Variants in GPC5 observed in about 807,000 individuals in gnomAD.
The protein encoded by GPC5 is glypican-5.
GPC5 carries 47 observed loss-of-function variants against 53.9 expected under a neutral mutation model. That is an observed-to-expected ratio of 0.87 (90% CI 0.69 to 1.11). The LOEUF (loss-of-function observed/expected upper bound fraction) is 1.11, where lower values mean the gene tolerates loss of function less well. GPC5 is among the 50% of genes most tolerant of loss of function. The pLI, the probability that GPC5 is intolerant of heterozygous loss-of-function variation, is 0.00. For missense variants in GPC5, 748 were observed against 713.1 expected (o/e 1.05, Z -0.56); for synonymous variants, 286 against 263.3 (o/e 1.09, Z -0.84).
chr13:92,326,981 C>T (rs999696811), intron 7 of GPC5, among the ~76,000 whole-genome samples: 6 of 151,958 alleles, frequency 3.9e-5, no homozygotes, highest in African/African-American at 1.2e-4. Context: ...ACTGCCTTCA[C>T]GTTTTCATCC....
intron 7 of GPC5, among the ~76,000 whole-genome samples, chr13:92,810,405 C>T (rs1287321790): frequency 6.6e-6 from 1 of 151,866 alleles, no homozygotes; most frequent in Admixed American, 6.6e-5. Context: ...AAAAAGAAGA[C>T]TACCCAGAAA....
At chr13:92,393,077 C>T (rs1298563957) in intron 7 of GPC5, among the ~76,000 whole-genome samples, 1 of 152,068 alleles carries the variant, frequency 6.6e-6, no homozygotes, top group African/African-American at 2.4e-5. Context: ...ATAAATCATT[C>T]CATCATAAAG....
chr13:92,368,644 A>AC, intron 7 of GPC5, among the ~76,000 whole-genome samples: 1 of 151,148 alleles, frequency 6.6e-6, no homozygotes, highest in Admixed American at 6.6e-5. Flanking sequence ...TAAAAAAAAA[A>AC]AAAAAAAAAA....
In GPC5 at chr13:92,656,935, A is replaced by G. The variant is rs77203823; in HGVS notation, c.1562-209347A>G. 3.5e-4 allele frequency among the ~76,000 whole-genome samples: 53 copies of G among 152,302 alleles called. No homozygotes were observed. The East Asian group carries it at 0.01, about 29-fold the overall frequency. ...GCGATGAGCTATGCTCTCACACCGC[A>G]CTCCAGCCTGGGTGACAGAGACCCT... On this transcript the variant is annotated intron_variant, in intron 7 of 7. Transcript: ENST00000377067.
chr13:91,895,436 T>A (rs1350115622), intron 5 of GPC5, among the ~76,000 whole-genome samples: 4 of 152,092 alleles, frequency 2.6e-5, no homozygotes, highest in Admixed American at 2.6e-4. Flanking sequence ...GACTACAAGG[T>A]GCTGAGGTTG....
intron 2 of GPC5, among the ~76,000 whole-genome samples, chr13:91,465,777 A>G (rs1340205477): frequency 1.3e-5 from 2 of 152,162 alleles, no homozygotes; most frequent in East Asian, 3.9e-4. Flanking sequence ...AAAACTTATT[A>G]AATAAGTTAT....
intron 2 of GPC5, among the ~76,000 whole-genome samples, chr13:91,483,167 G>T (rs1427940650): frequency 6.6e-6 from 1 of 152,030 alleles, no homozygotes; most frequent in African/African-American, 2.4e-5. Flanking sequence ...GTTCTTTATG[G>T]TAAGACTTTA....
chr13:92,718,060 A>G (rs1723154913), intron 7 of GPC5, among the ~76,000 whole-genome samples: 1 of 152,154 alleles, frequency 6.6e-6, no homozygotes, highest in South Asian at 2.1e-4. Context: ...AAAAATGCTG[A>G]TAAGGATGTG....
intron 2 of GPC5, among the ~76,000 whole-genome samples, chr13:91,516,684 G>C (rs1340947785): frequency 1.3e-5 from 2 of 152,208 alleles, no homozygotes; most frequent in African/African-American, 4.8e-5. Flanking sequence ...GGGACTCTGT[G>C]TGGGGGCTCT....
intron 2 of GPC5, among the ~76,000 whole-genome samples, chr13:91,561,888 G>A (rs1202243590): frequency 6.6e-6 from 1 of 152,128 alleles, no homozygotes; most frequent in African/African-American, 2.4e-5. Flanking sequence ...CCTGGTTAAT[G>A]ACTGTTTAGC....
At chr13:91,648,842 G>A (rs1431338288) in intron 2 of GPC5, among the ~76,000 whole-genome samples, 1 of 152,124 alleles carries the variant, frequency 6.6e-6, no homozygotes, top group African/African-American at 2.4e-5. Context: ...TTCCCACTAT[G>A]AGAATCAGTA....
At chr13:92,484,052 C>A (rs768458734) in intron 7 of GPC5, among the ~76,000 whole-genome samples, 1 of 152,152 alleles carries the variant, frequency 6.6e-6, no homozygotes, top group Non-Finnish European at 1.5e-5. Flanking sequence ...GTGGGAGGAC[C>A]GCTTGAGCCC....
chr13:92,239,112 T>A (rs944460264), intron 7 of GPC5, among the ~76,000 whole-genome samples: 1 of 151,864 alleles, frequency 6.6e-6, no homozygotes, highest in Non-Finnish European at 1.5e-5. Flanking sequence ...TTACTGTAGC[T>A]TTGTAGTAAG....
At chr13:92,607,790 C>A (rs1374505720) in intron 7 of GPC5, among the ~76,000 whole-genome samples, 4 of 152,050 alleles carry the variant, frequency 2.6e-5, no homozygotes, top group Admixed American at 6.6e-5. Flanking sequence ...ACTTAAAATG[C>A]ACCCTTTTAC....
chr13:91,486,670 G>A (rs1883625203), intron 2 of GPC5: 1 of 152,078 alleles, frequency 6.6e-6, no homozygotes, highest in Non-Finnish European at 1.5e-5. Context: ...CTATCTTTGA[G>A]GAACCAGAAA....
intron 7 of GPC5, among the ~76,000 whole-genome samples, chr13:92,349,718 A>T (rs2043459865): frequency 6.6e-6 from 1 of 152,236 alleles, no homozygotes; most frequent in East Asian, 1.9e-4. Flanking sequence ...GAAATGACCA[A>T]TAAGAAGTAA....
intron 7 of GPC5, among the ~76,000 whole-genome samples, chr13:92,265,890 C>A (rs1289896996): frequency 1.3e-5 from 2 of 152,180 alleles, no homozygotes; most frequent in Non-Finnish European, 2.9e-5. Flanking sequence ...ATCAAGGGGC[C>A]AGCACCTGGC....
At chr13:91,747,062 G>T (rs1479418757) in intron 4 of GPC5, among the ~76,000 whole-genome samples, 1 of 152,186 alleles carries the variant, frequency 6.6e-6, no homozygotes, top group East Asian at 1.9e-4. Context: ...ACTTCAGGTG[G>T]GAGGGATGGA....
chr13:92,820,903 C>T (rs1160097252), intron 7 of GPC5, among the ~76,000 whole-genome samples: 1 of 152,068 alleles, frequency 6.6e-6, no homozygotes, highest in Non-Finnish European at 1.5e-5. Flanking sequence ...AATGAGGAGT[C>T]TGAAAAACAG....
Sources: gnomAD v4.1 joint callset for allele counts (sites outside exome capture counted in the v4.1 genomes callset) on GRCh38, gnomAD v4.1.1 for gene constraint, MANE v1.5 for transcripts, NCBI Gene and HGNC (gene_info 2026-07-23, HGNC 2026-07-21) for gene names.